Variants in FIP1L1 observed in about 807,000 individuals in gnomAD.
FIP1L1 encodes the protein factor interacting with PAPOLA and CPSF1.
A neutral mutation model predicts 84.6 loss-of-function variants in FIP1L1; 21 were observed. That is an observed-to-expected ratio of 0.25 (90% CI 0.18 to 0.36). The LOEUF (loss-of-function observed/expected upper bound fraction) is 0.36, where lower values mean the gene tolerates loss of function less well. Ranked by LOEUF, FIP1L1 falls within the 10% of genes least tolerant of loss-of-function variation. The pLI, the probability that FIP1L1 is intolerant of heterozygous loss-of-function variation, is 1.00. For missense variants in FIP1L1, 526 were observed against 751.1 expected, an observed-to-expected ratio of 0.70 and a Z score of 3.50; for synonymous variants, 263 against 242.3, an observed-to-expected ratio of 1.09 and a Z score of -0.80.
Position 53,381,074 on chromosome 4 carries a change from G to C in FIP1L1, c.171-1204G>C, listed in dbSNP as rs191388612. On this transcript the variant is annotated intron_variant, in intron 3 of 17. Coordinates refer to ENST00000337488, the MANE Select transcript of FIP1L1 (RefSeq NM_030917.4). The stretch of plus-strand genomic sequence containing the variant: ...ATATTCCTTTCTGCAACTTCATTTG[G>C]GGAGCCGTTGAGTTGATTTCATCCT... Among the ~76,000 whole-genome samples the C allele has an allele frequency of 4.6e-5, 7 of 152,108 alleles. No individual in the cohort carries two copies. In the East Asian group the frequency reaches 1.4e-3, roughly 29 times the overall value.
At chr4:53,452,030 C>T (rs1160451242) in intron 15 of FIP1L1, among the ~76,000 whole-genome samples, 1 of 151,774 alleles carries the variant, frequency 6.6e-6, no homozygotes, top group Non-Finnish European at 1.5e-5. Flanking sequence ...ATTACAGGCA[C>T]CTGCCACCGC....
At position 53,428,182 on chromosome 4, in the gene FIP1L1, G is replaced by A. The variant is rs745609593; in HGVS notation, c.1173G>A (p.Pro391=). ...CTGCTCCACCTCTGATTCCACCACCGGGTAAATAGTAAATAAGACATTTGA... is the reference window on the plus strand; with the variant it reads ...CTGCTCCACCTCTGATTCCACCACCAGGTAAATAGTAAATAAGACATTTGA... ...VSTAPPLIPP[P]GFPPPPGAPP... Residue 391 remains proline, a splice_region_variant and synonymous_variant, in exon 13 of 18, where the codon CCG becomes CCA. Transcript: ENST00000337488. 1.2e-5 allele frequency: 18 copies of A among 1,559,258 alleles called. No individual in the cohort carries two copies. The highest frequency in any genetic ancestry group is 5.4e-5 in the African/African-American group (4 of 73,762).
intron 10 of FIP1L1, among the ~76,000 whole-genome samples, chr4:53,401,905 C>T (rs926232864): frequency 6.6e-6 from 1 of 152,038 alleles, no homozygotes; most frequent in Non-Finnish European, 1.5e-5. Context: ...TTTAATATTA[C>T]TTAAATGAAA....
chr4:53,394,040 T>C (rs1247337897), intron 9 of FIP1L1, among the ~76,000 whole-genome samples: 1 of 152,102 alleles, frequency 6.6e-6, no homozygotes, highest in African/African-American at 2.4e-5. Flanking sequence ...GGGAGAATTT[T>C]TTATTCTTAT....
At chr4:53,431,378 T>C (rs758107595) in intron 13 of FIP1L1, among the ~76,000 whole-genome samples, 2 of 152,236 alleles carry the variant, frequency 1.3e-5, no homozygotes, top group Non-Finnish European at 2.9e-5. Flanking sequence ...TTTTAAAGTA[T>C]TGCCTTAAAA....
intron 10 of FIP1L1, among the ~76,000 whole-genome samples, chr4:53,403,276 T>G (rs1032000669): frequency 6.6e-6 from 1 of 152,182 alleles, no homozygotes; most frequent in Admixed American, 6.5e-5. Context: ...TACTTTCTTA[T>G]CTAGGTTTTG....
intron 9 of FIP1L1, 79 bp from the exon 10 acceptor site, chr4:53,399,651 A>G (rs1749209789): frequency 1.1e-6 from 1 of 881,510 alleles, no homozygotes; most frequent in African/African-American, 1.7e-5. Flanking sequence ...AAATGTTGTA[A>G]ACTTATTTTA....
At chr4:53,421,706 G>A (rs1478514388) in intron 11 of FIP1L1, among the ~76,000 whole-genome samples, 1 of 152,152 alleles carries the variant, frequency 6.6e-6, no homozygotes, top group Non-Finnish European at 1.5e-5. Flanking sequence ...ATTCATAGAT[G>A]TCTACATTGA....
At chr4:53,430,016 C>T (rs1486599180) in intron 13 of FIP1L1, among the ~76,000 whole-genome samples, 6 of 152,118 alleles carry the variant, frequency 3.9e-5, no homozygotes, top group Non-Finnish European at 2.9e-5. Flanking sequence ...ATCATATAAG[C>T]GAGATTGTGC....
chr4:53,457,883 A>T (rs1346585896), intron 16 of FIP1L1, among the ~76,000 whole-genome samples: 1 of 152,148 alleles, frequency 6.6e-6, no homozygotes, highest in East Asian at 1.9e-4. Flanking sequence ...CTAGGGAGGT[A>T]AAGAAAGACC....
intron 9 of FIP1L1, among the ~76,000 whole-genome samples, chr4:53,398,121 G>T (rs1310367942): frequency 6.6e-6 from 1 of 151,726 alleles, no homozygotes; most frequent in Non-Finnish European, 1.5e-5. Context: ...TTTTCCTAAG[G>T]TCCAGGATCC....
intron 10 of FIP1L1, among the ~76,000 whole-genome samples, chr4:53,410,167 C>T (rs1756412540): frequency 1.3e-5 from 2 of 152,194 alleles, no homozygotes; most frequent in African/African-American, 4.8e-5. Context: ...CATCGCACAT[C>T]ACAGTCAGAT....
intron 9 of FIP1L1, among the ~76,000 whole-genome samples, chr4:53,398,179 G>T (rs962298647): frequency 6.6e-6 from 1 of 152,060 alleles, no homozygotes; most frequent in Non-Finnish European, 1.5e-5. Flanking sequence ...TTCAATAAAT[G>T]ATGTTTACAT....
At chr4:53,405,605 G>A (rs985341727) in intron 10 of FIP1L1, among the ~76,000 whole-genome samples, 5 of 146,672 alleles carry the variant, frequency 3.4e-5, no homozygotes, top group African/African-American at 7.7e-5. Context: ...GGGCAGTATG[G>A]CCATTTTCAC....
chr4:53,389,570 C>T (rs1005694298), intron 5 of FIP1L1, among the ~76,000 whole-genome samples: 1 of 152,060 alleles, frequency 6.6e-6, no homozygotes, highest in African/African-American at 2.4e-5. Flanking sequence ...GTAATCTCAG[C>T]ATTTTGGGAA....
At position 53,428,122 on chromosome 4, in the gene FIP1L1, T is replaced by A. The variant is rs754026383; in HGVS notation, c.1113T>A (p.Pro371=). 4 of 1,608,512 alleles carry A rather than the reference T, an allele frequency of 2.5e-6. No homozygotes were observed. The South Asian group carries it at 4.4e-5, about 18-fold the overall frequency. The part of the protein sequence containing the change: ...PPGAPPTHLP[P]PPFLPPPPTV... Reference sequence around the variant, plus strand: ...GAGCTCCTCCCACTCACCTTCCACCTCCTCCATTTCTTCCACCTCCTCCGA... The same window carrying A: ...GAGCTCCTCCCACTCACCTTCCACCACCTCCATTTCTTCCACCTCCTCCGA... Residue 371 remains proline, a synonymous_variant, in exon 13 of 18, where the codon CCT becomes CCA. Coordinates refer to ENST00000337488, the MANE Select transcript of FIP1L1 (RefSeq NM_030917.4).
chr4:53,452,815 A>G, intron 15 of FIP1L1, 105 bp from the exon 16 acceptor site: 2 of 792,616 alleles, frequency 2.5e-6, no homozygotes, highest in Admixed American at 2.4e-5. Flanking sequence ...TCTCTTTTCT[A>G]TTTATAAAAT....
chr4:53,389,931 G>A lies in FIP1L1; in HGVS notation c.397+58G>A, dbSNP rs1386193529. The A allele has an allele frequency of 3.0e-6, 4 of 1,323,378 alleles. No individual in the cohort carries two copies. The East Asian group carries it at 7.2e-5, about 24-fold the overall frequency. 82.0% of individuals were successfully genotyped at this position (1,323,378 alleles called of 1,614,324 possible). A position where few individuals can be genotyped will look rare whatever the true frequency, so the allele number is the denominator to read the frequency against. Reference sequence around the variant, plus strand: ...GAAATAAGGCACATATCTTAAATAGGTCTTAATAGCTTTTTTTTTTAGTCG... The same window carrying A: ...GAAATAAGGCACATATCTTAAATAGATCTTAATAGCTTTTTTTTTTAGTCG... On this transcript the variant is annotated intron_variant, in intron 6 of 17. Coordinates refer to ENST00000337488, the MANE Select transcript of FIP1L1 (RefSeq NM_030917.4).
chr4:53,413,202 A>G (rs1473103339), intron 10 of FIP1L1, among the ~76,000 whole-genome samples: 1 of 151,328 alleles, frequency 6.6e-6, no homozygotes, highest in Non-Finnish European at 1.5e-5. Flanking sequence ...CATTACCAGG[A>G]TGTTCCAGGC....
Sources: allele counts gnomAD v4.1 joint callset (sites outside exome capture counted in the v4.1 genomes callset), GRCh38; gene constraint gnomAD v4.1.1; transcripts MANE v1.5; gene names NCBI Gene and HGNC (gene_info 2026-07-23, HGNC 2026-07-21).